Variants in SLC24A3 observed in about 807,000 individuals in gnomAD.
SLC24A3 encodes the protein sodium/potassium/calcium exchanger 3.
A neutral mutation model predicts 75.8 loss-of-function variants in SLC24A3; 28 were observed. The observed-to-expected ratio is 0.37, with a 90% CI of 0.27 to 0.51. The LOEUF (loss-of-function observed/expected upper bound fraction) is 0.51, where lower values mean the gene tolerates loss of function less well. Ranked by LOEUF, SLC24A3 falls within the 20% of genes least tolerant of loss-of-function variation. The pLI, the probability that SLC24A3 is intolerant of heterozygous loss-of-function variation, is 0.94. For synonymous variants in SLC24A3, 372 were observed against 334.1 expected (o/e 1.11, Z -1.24); for missense variants, 663 against 847.8 (o/e 0.78, Z 2.71).
chr20:19,426,002 A>G (rs1048805855), intron 2 of SLC24A3, among the ~76,000 whole-genome samples: 2 of 152,162 alleles, frequency 1.3e-5, no homozygotes, highest in Non-Finnish European at 2.9e-5. Flanking sequence ...CCTTTTAGTG[A>G]GGAATAATCA....
At chr20:19,605,470 G>C (rs1198254014) in intron 6 of SLC24A3, among the ~76,000 whole-genome samples, 5 of 152,118 alleles carry the variant, frequency 3.3e-5, no homozygotes, top group Admixed American at 2.6e-4. Context: ...CAACATATGA[G>C]TTTCTGAAGC....
At chr20:19,469,081 A>T (rs906496961) in intron 2 of SLC24A3, among the ~76,000 whole-genome samples, 1 of 152,132 alleles carries the variant, frequency 6.6e-6, no homozygotes, top group African/African-American at 2.4e-5. Flanking sequence ...GGCAGAGAGC[A>T]TGATCATTAG....
intron 2 of SLC24A3, among the ~76,000 whole-genome samples, chr20:19,486,506 A>C (rs1229480510): frequency 1.3e-5 from 2 of 152,222 alleles, no homozygotes; most frequent in Non-Finnish European, 1.5e-5. Context: ...TAAATGAGGA[A>C]AATAACTGTT....
chr20:19,215,417 TG>T (rs1981526144), intron 1 of SLC24A3, among the ~76,000 whole-genome samples: 2 of 152,348 alleles, frequency 1.3e-5, no homozygotes, highest in Non-Finnish European at 2.9e-5. Flanking sequence ...AACCACCATT[TG>T]GGTGTAGCTT....
At chr20:19,528,279 G>A (rs1452319865) in intron 3 of SLC24A3, among the ~76,000 whole-genome samples, 1 of 152,014 alleles carries the variant, frequency 6.6e-6, no homozygotes, top group Admixed American at 6.6e-5. Flanking sequence ...CTGGTTCAGG[G>A]GACATTTGTA....
chr20:19,493,881 G>T (rs1988241490), intron 2 of SLC24A3, among the ~76,000 whole-genome samples: 1 of 152,196 alleles, frequency 6.6e-6, no homozygotes, highest in African/African-American at 2.4e-5. Context: ...TATGCTGCTT[G>T]CCTCTTTGGT....
chr20:19,535,962 G>A (rs6046164), intron 3 of SLC24A3, among the ~76,000 whole-genome samples: 109,135 of 151,932 alleles, frequency 0.72, 39,704 homozygotes, highest in Non-Finnish European at 0.78. Flanking sequence ...GAGAAGATAG[G>A]GAGGCTGAAC....
chr20:19,358,778 C>A (rs1389816972), intron 2 of SLC24A3, among the ~76,000 whole-genome samples: 1 of 152,202 alleles, frequency 6.6e-6, no homozygotes, highest in Non-Finnish European at 1.5e-5. Context: ...TCCCCACTTC[C>A]CCAGTTCCCA....
intron 6 of SLC24A3, among the ~76,000 whole-genome samples, chr20:19,610,276 A>G (rs2031655753): frequency 1.3e-5 from 2 of 152,106 alleles, no homozygotes; most frequent in African/African-American, 4.8e-5. Flanking sequence ...AAAGGAAAAC[A>G]TTGGGATCTC....
intron 2 of SLC24A3, among the ~76,000 whole-genome samples, chr20:19,305,741 A>G (rs946000558): frequency 5.3e-5 from 8 of 152,180 alleles, no homozygotes; most frequent in Non-Finnish European, 1.2e-4. Context: ...TTCACCATAT[A>G]CAAAAATTAA....
intron 2 of SLC24A3, among the ~76,000 whole-genome samples, chr20:19,395,947 A>T (rs1450359001): frequency 1.3e-5 from 2 of 152,110 alleles, no homozygotes; most frequent in African/African-American, 4.8e-5. Flanking sequence ...AGCCAACAGG[A>T]CCCACACCCT....
At chr20:19,251,898 T>G (rs1401065665) in intron 1 of SLC24A3, among the ~76,000 whole-genome samples, 2 of 152,210 alleles carry the variant, frequency 1.3e-5, no homozygotes, top group Non-Finnish European at 2.9e-5. Context: ...TAGCTGGCTC[T>G]GTTGGGTAAC....
At chr20:19,265,363 C>T (rs1043986614) in intron 1 of SLC24A3, among the ~76,000 whole-genome samples, 1 of 152,202 alleles carries the variant, frequency 6.6e-6, no homozygotes, top group Non-Finnish European at 1.5e-5. Context: ...TTGAGAGGCT[C>T]TGTGTTCATG....
At chr20:19,290,498 C>A (rs567759287) in intron 2 of SLC24A3, among the ~76,000 whole-genome samples, 1 of 152,274 alleles carries the variant, frequency 6.6e-6, no homozygotes, top group Non-Finnish European at 1.5e-5. Context: ...AAGCCCTCAC[C>A]CCTTCCACCT....
At chr20:19,523,789 G>A (rs541394298) in intron 3 of SLC24A3, among the ~76,000 whole-genome samples, 1 of 152,284 alleles carries the variant, frequency 6.6e-6, no homozygotes, top group East Asian at 1.9e-4. Context: ...AAAGCAGGTG[G>A]ATGAAGCTCT....
chr20:19,498,603 A>T (rs918568328), intron 2 of SLC24A3, among the ~76,000 whole-genome samples: 5 of 152,156 alleles, frequency 3.3e-5, no homozygotes, highest in African/African-American at 4.8e-5. Flanking sequence ...TCACTGTCTG[A>T]TCCATATTAA....
intron 3 of SLC24A3, among the ~76,000 whole-genome samples, chr20:19,537,951 A>C (rs1437640941): frequency 6.6e-6 from 1 of 151,976 alleles, no homozygotes; most frequent in Non-Finnish European, 1.5e-5. Flanking sequence ...TGGGTGCAGC[A>C]CACCAACATG....
chr20:19,393,859 C>T (rs1010019511), intron 2 of SLC24A3, among the ~76,000 whole-genome samples: 1 of 152,046 alleles, frequency 6.6e-6, no homozygotes, highest in African/African-American at 2.4e-5. Context: ...TAGAAAAATC[C>T]ACCCTAAAAT....
intron 2 of SLC24A3, among the ~76,000 whole-genome samples, chr20:19,333,194 G>A (rs929038134): frequency 6.6e-6 from 1 of 152,232 alleles, no homozygotes; most frequent in Non-Finnish European, 1.5e-5. Context: ...GGAGTGAGGG[G>A]ATGTGTAGTG....
Sources: allele counts gnomAD v4.1 joint callset (sites outside exome capture counted in the v4.1 genomes callset), GRCh38; gene constraint gnomAD v4.1.1; transcripts MANE v1.5; gene names NCBI Gene and HGNC (gene_info 2026-07-23, HGNC 2026-07-21).